AK8: variants seen among roughly 807,000 people sequenced by gnomAD.
AK8 encodes the protein adenylate kinase 8.
Under a neutral mutation model 54.6 loss-of-function variants are expected in AK8, and 44 were observed. The observed-to-expected ratio is 0.81, with a 90% confidence interval of 0.63 to 1.04. The LOEUF is 1.04. Ranked by LOEUF, AK8 falls within the 50% of genes least tolerant of loss-of-function variation. The probability of loss-of-function intolerance (pLI) is 0.00; values close to 1 mark genes in which losing one functional copy is unlikely to be tolerated. For synonymous variants in AK8, 239 were observed against 245.6 expected, an observed-to-expected ratio of 0.97 and a Z score of 0.25; for missense variants, 555 against 613.6, an observed-to-expected ratio of 0.90 and a Z score of 1.01.
At chr9:132,833,195 A>G (rs1215495705) in intron 5 of AK8, among the ~76,000 whole-genome samples, 1 of 152,232 alleles carries the variant, frequency 6.6e-6, no homozygotes, top group Non-Finnish European at 1.5e-5. Context: ...GGGCTCAGAA[A>G]AGATCTTCTT....
At chr9:132,778,901 G>T (rs1023463442) in intron 11 of AK8, among the ~76,000 whole-genome samples, 1 of 150,100 alleles carries the variant, frequency 6.7e-6, no homozygotes, top group African/African-American at 2.4e-5. Flanking sequence ...TTCTTGGCTC[G>T]ATGGGGTCCT....
intron 2 of AK8, among the ~76,000 whole-genome samples, chr9:132,869,069 A>G (rs1843706073): frequency 1.3e-5 from 2 of 152,098 alleles, no homozygotes; most frequent in Non-Finnish European, 2.9e-5. Flanking sequence ...AATCCCAGCT[A>G]CTCGGGAGGC....
At chr9:132,756,436 C>T (rs1447791502) in intron 11 of AK8, among the ~76,000 whole-genome samples, 1 of 152,200 alleles carries the variant, frequency 6.6e-6, no homozygotes, top group South Asian at 2.1e-4. Context: ...GCGCCTGCAA[C>T]CTGCGAAGCA....
At chr9:132,869,787 G>C (rs1040335831) in intron 2 of AK8, among the ~76,000 whole-genome samples, 5 of 152,216 alleles carry the variant, frequency 3.3e-5, no homozygotes, top group African/African-American at 1.2e-4. Context: ...GAGCCAGAGT[G>C]CCATGGGAGG....
At chr9:132,740,989 T>C (rs895097694) in intron 11 of AK8, among the ~76,000 whole-genome samples, 1 of 152,166 alleles carries the variant, frequency 6.6e-6, no homozygotes, top group Non-Finnish European at 1.5e-5. Flanking sequence ...GTCAGGACCC[T>C]CGCTATCATC....
At chr9:132,853,302 G>A (rs1415396535) in intron 5 of AK8, among the ~76,000 whole-genome samples, 2 of 145,674 alleles carry the variant, frequency 1.4e-5, no homozygotes, top group African/African-American at 2.5e-5. Flanking sequence ...AGGTTGCAGT[G>A]AGCCGAGATT....
At chr9:132,818,951 T>A (rs1157571811) in intron 9 of AK8, among the ~76,000 whole-genome samples, 1 of 152,020 alleles carries the variant, frequency 6.6e-6, no homozygotes, top group African/African-American at 2.4e-5. Context: ...AGGTATATCA[T>A]ACAGACACAA....
intron 11 of AK8, among the ~76,000 whole-genome samples, chr9:132,762,978 C>T (rs1292419556): frequency 2.0e-5 from 3 of 152,218 alleles, no homozygotes; most frequent in African/African-American, 7.2e-5. Context: ...CGTCTTCCTA[C>T]AGCGAAAAGG....
At chr9:132,726,110 T>A (rs940217793) in intron 12 of AK8, among the ~76,000 whole-genome samples, 185 bp from the exon 13 acceptor site, 1 of 152,062 alleles carries the variant, frequency 6.6e-6, no homozygotes, top group Non-Finnish European at 1.5e-5. Flanking sequence ...TACAGAGAGA[T>A]CCAAGATGTG....
intron 11 of AK8, among the ~76,000 whole-genome samples, chr9:132,774,355 G>A (rs1043180837): frequency 6.6e-6 from 1 of 152,136 alleles, no homozygotes; most frequent in African/African-American, 2.4e-5. Flanking sequence ...AAGTAAGGCT[G>A]CACTTCTATT....
intron 11 of AK8, among the ~76,000 whole-genome samples, chr9:132,792,366 A>G (rs215194): frequency 0.053 from 8,066 of 152,330 alleles, 693 homozygotes; most frequent in African/African-American, 0.18. Flanking sequence ...ATTGATTTGT[A>G]TAACAATTCC....
intron 11 of AK8, among the ~76,000 whole-genome samples, chr9:132,755,209 G>T (rs1838130005): frequency 6.6e-6 from 1 of 152,190 alleles, no homozygotes; most frequent in Non-Finnish European, 1.5e-5. Context: ...GATTTGGCAG[G>T]TTTTCATATT....
chr9:132,812,884 A>C (rs1463282688), intron 10 of AK8, among the ~76,000 whole-genome samples: 1 of 134,408 alleles, frequency 7.4e-6, no homozygotes, highest in African/African-American at 2.8e-5. Flanking sequence ...CCCTGAGCCT[A>C]CACAGATCAC....
chr9:132,762,133 G>A (rs1199680479), intron 11 of AK8, among the ~76,000 whole-genome samples: 3 of 152,182 alleles, frequency 2.0e-5, no homozygotes, highest in African/African-American at 7.2e-5. Flanking sequence ...GCCTCCCAAA[G>A]TGCTAGGATT....
rs1258507509 is a variant in AK8, at chr9:132,810,668, GGAGA to G, written c.979+3966_979+3969del. Among the ~76,000 whole-genome samples, 5 of 152,290 alleles carry G rather than the reference GGAGA, an allele frequency of 3.3e-5. No individual in the cohort carries two copies. The East Asian group carries it at 7.7e-4, about 23-fold the overall frequency. On this transcript the variant is annotated intron_variant, in intron 10 of 12. Transcript: ENST00000298545. ...ATAAGACTGTGCTGTCAGATGGTGA[GGAGA>G]GAGGAGATGAGGAAACCAGGAGGCC... is the stretch of plus-strand genomic sequence containing the variant.
At position 132,866,152 on chromosome 9, in the gene AK8, C is replaced by T. The variant is rs774383930; in HGVS notation, c.219+752G>A. On this transcript the variant is annotated intron_variant, in intron 3 of 12. Transcript: ENST00000298545. ...GGCAGAGGTTGCAGTGAGCCCAGAT[C>T]GCACCACTGCATTCCAGCCTGTGTG... Among the ~76,000 whole-genome samples, 108 of 152,268 alleles carry T rather than the reference C, an allele frequency of 7.1e-4. 1 individual carries two copies. Among genetic ancestry groups the T allele is most frequent in the Admixed American group, 1.6e-3 (25 of 15,288 alleles).
chr9:132,805,282 G>A (rs1207801920), intron 10 of AK8, among the ~76,000 whole-genome samples: 2 of 152,202 alleles, frequency 1.3e-5, no homozygotes, highest in Admixed American at 6.5e-5. Flanking sequence ...TCAGGGTTGG[G>A]TTGGGTTTCT....
intron 4 of AK8, among the ~76,000 whole-genome samples, chr9:132,863,126 C>A (rs970822951): frequency 6.6e-6 from 1 of 152,254 alleles, no homozygotes; most frequent in South Asian, 2.1e-4. Context: ...TGCTCCCCAG[C>A]GTGTGTGGGA....
intron 11 of AK8, among the ~76,000 whole-genome samples, chr9:132,779,640 C>T (rs10117024): frequency 0.67 from 101,865 of 152,166 alleles, 34,216 homozygotes; most frequent in East Asian, 0.81. Flanking sequence ...TTCAAGCTAT[C>T]AACCACATGC....
Sources: allele counts gnomAD v4.1 joint callset (sites outside exome capture counted in the v4.1 genomes callset), GRCh38; gene constraint gnomAD v4.1.1; transcripts MANE v1.5; gene names NCBI Gene and HGNC (gene_info 2026-07-23, HGNC 2026-07-21).